Variants in COL23A1 observed in about 807,000 individuals in gnomAD.
COL23A1 encodes collagen alpha-1(XXIII) chain.
COL23A1 carries 97 observed loss-of-function variants against 99.3 expected under a neutral mutation model. That is an observed-to-expected ratio of 0.98 (90% confidence interval 0.83 to 1.16). COL23A1 has a LOEUF of 1.16. COL23A1 is among the 50% of genes most tolerant of loss of function. The pLI is 0.00. For synonymous variants in COL23A1, 320 were observed against 308.2 expected (o/e 1.04, Z -0.40); for missense variants, 762 against 757.4 (o/e 1.01, Z -0.07).
chr5:178,325,919 G>A (rs757267337), intron 2 of COL23A1, among the ~76,000 whole-genome samples: 59 of 152,282 alleles, frequency 3.9e-4, no homozygotes, highest in African/African-American at 1.2e-3. Flanking sequence ...TGTCCACTGC[G>A]GTGGGAAATG....
intron 2 of COL23A1, among the ~76,000 whole-genome samples, chr5:178,399,613 G>A (rs1221774549): frequency 6.6e-6 from 1 of 152,212 alleles, no homozygotes; most frequent in African/African-American, 2.4e-5. Context: ...GCAAACATGG[G>A]CTGTTTACCC....
intron 2 of COL23A1, among the ~76,000 whole-genome samples, chr5:178,531,610 G>C (rs554788732): frequency 6.6e-6 from 1 of 152,146 alleles, no homozygotes; most frequent in African/African-American, 2.4e-5. Flanking sequence ...TTCTGTTCTC[G>C]GCAGCCAAAT....
intron 2 of COL23A1, among the ~76,000 whole-genome samples, chr5:178,391,034 G>A (rs1374391911): frequency 6.6e-6 from 1 of 152,244 alleles, no homozygotes; most frequent in Non-Finnish European, 1.5e-5. Context: ...CACAGCAGGA[G>A]GTGAGTGGCA....
In COL23A1 at chr5:178,307,415, C is replaced by G. The variant is rs1172464313; in HGVS notation, c.362-496G>C. Among the ~76,000 whole-genome samples, 1 of 152,248 alleles carries G rather than the reference C, an allele frequency of 6.6e-6. No homozygotes were observed. The highest frequency in any genetic ancestry group is 6.5e-5 in the Admixed American group (1 of 15,290). On this transcript the variant is annotated intron_variant, in intron 2 of 28. Transcript: ENST00000390654. This position sits in a 1 kb window ranked among gnomAD's most constrained non-coding sequence, Gnocchi z 4.2. ...AGCGCCGAAATCCACTCATGACAGG[C>G]ACTACACGATCCGCCTGCAGTCTCC...
At chr5:178,325,578 C>G (rs1473047153) in intron 2 of COL23A1, among the ~76,000 whole-genome samples, 1 of 152,050 alleles carries the variant, frequency 6.6e-6, no homozygotes, top group African/African-American at 2.4e-5. Context: ...GCTGCTTACT[C>G]TTGGGCCAGG....
chr5:178,398,246 C>T (rs867690615), intron 2 of COL23A1, among the ~76,000 whole-genome samples: 2 of 152,210 alleles, frequency 1.3e-5, no homozygotes, highest in Admixed American at 6.5e-5. Flanking sequence ...CATGCTGTGG[C>T]GTTCAGATGT....
chr5:178,523,220 AG>A (rs1760096735), intron 2 of COL23A1, among the ~76,000 whole-genome samples: 11 of 120,500 alleles, frequency 9.1e-5, no homozygotes. Context: ...AGAGAGAGAG[AG>A]AGAGACAGAG....
intron 2 of COL23A1, among the ~76,000 whole-genome samples, chr5:178,498,189 AC>A (rs1397604549): frequency 7.9e-6 from 1 of 127,236 alleles, no homozygotes; most frequent in African/African-American, 2.8e-5. Flanking sequence ...ACATGGCGAG[AC>A]CCTGTCTTTA....
At position 178,560,766 on chromosome 5, in the gene COL23A1, A is replaced by G; in HGVS notation, c.295-18T>C. 1 of 1,599,134 alleles carries G rather than the reference A, an allele frequency of 6.3e-7. No homozygotes were observed. The highest frequency in any genetic ancestry group is 1.8e-5 in the Admixed American group (1 of 56,620). Reference sequence around the variant, plus strand: ...TCCAACTTCTGAGCCGGAAAAAAAAAAAGAAAAAAAACGAGGAGAGAATGA... The same window carrying G: ...TCCAACTTCTGAGCCGGAAAAAAAAGAAGAAAAAAAACGAGGAGAGAATGA... On this transcript the variant is annotated intron_variant, in intron 1 of 28. Coordinates refer to ENST00000390654, the MANE Select transcript of COL23A1 (RefSeq NM_173465.4).
At chr5:178,274,039 A>T (rs28485191) in intron 5 of COL23A1, among the ~76,000 whole-genome samples, 3,583 of 152,322 alleles carry the variant, frequency 0.024, 154 homozygotes, top group African/African-American at 0.081. Flanking sequence ...CAGGGTGCCA[A>T]CAGGCTTGCC....
At chr5:178,299,906 A>G (rs1208559266) in intron 3 of COL23A1, among the ~76,000 whole-genome samples, 1 of 148,650 alleles carries the variant, frequency 6.7e-6, no homozygotes, top group Non-Finnish European at 1.5e-5. Flanking sequence ...GGCGCCCACC[A>G]CCACACCCAG....
rs1372049463 is a variant in COL23A1 at position 178,310,916 on chromosome 5, T to G, written c.362-3997A>C. Among the ~76,000 whole-genome samples, 2 of 152,118 alleles carry G rather than the reference T, an allele frequency of 1.3e-5. No homozygotes were observed. The highest frequency in any genetic ancestry group is 4.8e-5 in the African/African-American group (2 of 41,430). ...GAGACTCAGACACTCAGGAAGGCAC[T>G]GGGAGTCTGTCTTGATTGATCTGCT... is the stretch of plus-strand genomic sequence containing the variant. On this transcript the variant is annotated intron_variant, in intron 2 of 28. Coordinates refer to ENST00000390654, the MANE Select transcript of COL23A1 (RefSeq NM_173465.4). The surrounding 1 kb of genome is among the most constrained non-coding windows in gnomAD (Gnocchi z 4.3).
intron 2 of COL23A1, among the ~76,000 whole-genome samples, chr5:178,465,664 G>A (rs576670856): frequency 6.0e-4 from 92 of 152,348 alleles, no homozygotes; most frequent in African/African-American, 2.1e-3. Context: ...CAGGCTCTGA[G>A]CCCTTTGGTG....
At chr5:178,291,888 G>A (rs2913824) in intron 3 of COL23A1, among the ~76,000 whole-genome samples, 116,505 of 152,022 alleles carry the variant, frequency 0.77, 45,176 homozygotes, top group Non-Finnish European at 0.84. Flanking sequence ...TGACATGGGG[G>A]ACAGTGCTTT....
At chr5:178,296,197 GA>G (rs1389071198) in intron 3 of COL23A1, among the ~76,000 whole-genome samples, 2 of 152,210 alleles carry the variant, frequency 1.3e-5, no homozygotes, top group Non-Finnish European at 2.9e-5. Flanking sequence ...ATTATTCTGA[GA>G]GCCTGAGGTC....
chr5:178,473,563 T>G (rs1237311991), intron 2 of COL23A1, among the ~76,000 whole-genome samples: 1 of 150,850 alleles, frequency 6.6e-6, no homozygotes, highest in Non-Finnish European at 1.5e-5. Context: ...AACCACCCAC[T>G]TCAGCCTCCC....
At chr5:178,513,943 G>T (rs1270536618) in intron 2 of COL23A1, among the ~76,000 whole-genome samples, 2 of 151,976 alleles carry the variant, frequency 1.3e-5, no homozygotes, top group Non-Finnish European at 2.9e-5. Context: ...AATTGTCCGG[G>T]TCAATGGCAT....
In COL23A1 at chr5:178,465,250, A is replaced by G. The variant is rs372030325; in HGVS notation, c.361+95432T>C. ...CAGAACGCTGACAGGTGAAAGCTTC[A>G]GAGGCTGGGGGTTCGGAGATCCTGC... On this transcript the variant is annotated intron_variant, in intron 2 of 28. Transcript: ENST00000390654. 2.8e-4 allele frequency among the ~76,000 whole-genome samples: 43 copies of G among 152,290 alleles called. No homozygotes were observed. In the South Asian group the frequency reaches 8.3e-3, roughly 29 times the overall value.
intron 19 of COL23A1, 29 bp from the exon 20 acceptor site, chr5:178,248,283 T>A: frequency 6.3e-7 from 1 of 1,589,204 alleles, no homozygotes; most frequent in Non-Finnish European, 8.6e-7. Flanking sequence ...CTGTGAGTCC[T>A]TTGTGTCCAG....
Sources: allele counts gnomAD v4.1 joint callset (sites outside exome capture counted in the v4.1 genomes callset), GRCh38; gene constraint gnomAD v4.1.1; non-coding constraint Gnocchi (gnomAD v3.1); transcripts MANE v1.5; gene names NCBI Gene and HGNC (gene_info 2026-07-23, HGNC 2026-07-21).